TEX36: variants seen among roughly 807,000 people sequenced by gnomAD.
TEX36 encodes testis-expressed protein 36.
TEX36 carries 12 observed loss-of-function variants against 13.6 expected under a neutral mutation model. The ratio of observed to expected loss-of-function variants is 0.88; its 90% CI spans 0.56 to 1.43. The LOEUF is 1.43. TEX36 is among the 40% of genes most tolerant of loss of function. The probability of loss-of-function intolerance (pLI) is 0.00; values close to 1 mark genes in which losing one functional copy is unlikely to be tolerated. For synonymous variants in TEX36, 93 were observed against 83.0 expected (o/e 1.12, Z -0.65); for missense variants, 224 against 228.3 (o/e 0.98, Z 0.12).
chr10:125,630,464 T>A (rs1178991335), intron 3 of TEX36, among the ~76,000 whole-genome samples: 3 of 152,138 alleles, frequency 2.0e-5, no homozygotes, highest in African/African-American at 7.2e-5. Context: ...AGTGGCTGTG[T>A]TGCAAGGATG....
At chr10:125,604,013 C>T (rs1455196806) in intron 3 of TEX36, among the ~76,000 whole-genome samples, 1 of 152,142 alleles carries the variant, frequency 6.6e-6, no homozygotes, top group Non-Finnish European at 1.5e-5. Flanking sequence ...ACCCGAGAAG[C>T]TCAGAAAGTG....
chr10:125,589,871 G>A (rs550590209), intron 3 of TEX36, among the ~76,000 whole-genome samples: 77 of 152,194 alleles, frequency 5.1e-4, no homozygotes, highest in Admixed American at 1.2e-3. Context: ...TTCAGTGTAC[G>A]CTCATCTTCT....
chr10:125,632,798 A>T (rs1056332724), intron 3 of TEX36, among the ~76,000 whole-genome samples: 3 of 152,082 alleles, frequency 2.0e-5, no homozygotes, highest in Admixed American at 6.5e-5. Context: ...AAGCCAGCTC[A>T]TGTCTCTTGA....
chr10:125,670,610 A>G (rs1223886004), intron 1 of TEX36, among the ~76,000 whole-genome samples: 1 of 152,092 alleles, frequency 6.6e-6, no homozygotes. Context: ...CAATTTGTCA[A>G]TTTCTGCTTT....
exon 4 of TEX36, chr10:125,576,598 C>A: frequency 8.9e-7 from 1 of 1,119,412 alleles, no homozygotes; most frequent in East Asian, 2.6e-5. Flanking sequence ...TTCTCCATAG[C>A]TGGAAATTTA....
intron 1 of TEX36, among the ~76,000 whole-genome samples, chr10:125,676,430 T>A (rs1428254139): frequency 6.6e-6 from 1 of 152,230 alleles, no homozygotes; most frequent in African/African-American, 2.4e-5. Flanking sequence ...CAGCTACTGT[T>A]GTGCACTTTT....
intron 3 of TEX36, among the ~76,000 whole-genome samples, chr10:125,606,950 C>T (rs919987609): frequency 1.7e-4 from 26 of 152,202 alleles, no homozygotes; most frequent in Non-Finnish European, 7.3e-5. Flanking sequence ...TGACAACGTA[C>T]ACATAAAGCG....
At chr10:125,601,123 T>G (rs554352443) in intron 3 of TEX36, among the ~76,000 whole-genome samples, 166 of 152,254 alleles carry the variant, frequency 1.1e-3, no homozygotes, top group Non-Finnish European at 2.0e-3. Context: ...CTAAGCATAC[T>G]TTATCTATAA....
chr10:125,605,561 T>C (rs907664833), intron 3 of TEX36, among the ~76,000 whole-genome samples: 6 of 152,206 alleles, frequency 3.9e-5, no homozygotes, highest in African/African-American at 1.4e-4. Flanking sequence ...AAGGAATGAA[T>C]GAAGAAACTT....
intron 3 of TEX36, among the ~76,000 whole-genome samples, chr10:125,603,418 G>A (rs142014679): frequency 6.6e-6 from 1 of 151,230 alleles, no homozygotes; most frequent in African/African-American, 2.4e-5. Flanking sequence ...CATCTGCTCC[G>A]CCCGTTGCCT....
At chr10:125,639,056 TCTAATTTTC>T (rs1235997829) in intron 3 of TEX36, among the ~76,000 whole-genome samples, 5 of 152,280 alleles carry the variant, frequency 3.3e-5, no homozygotes, top group African/African-American at 1.2e-4. Flanking sequence ...TAGTTTGTTT[TCTAATTTTC>T]CTTTAATTAG....
Position 125,656,077 on chromosome 10 carries a change from T to A in TEX36, c.384A>T (p.Ser128=), listed in dbSNP as rs751041069. ...CCACCATGGCTTCTTTATATACGTA[T>A]GATATTTGGTTATTTGAAAAGCCAT... ...CLDGFSNNQI[S]YVYKEAMVVS... The change falls in exon 4 of 4, where the codon TCA becomes TCT. Residue 128 remains serine (S), a synonymous_variant. Coordinates refer to ENST00000368821, the MANE Select transcript of TEX36 (RefSeq NM_001128202.3). The A allele has an allele frequency of 3.2e-6, 5 of 1,551,550 alleles. No homozygotes were observed. In the South Asian group the frequency reaches 5.9e-5, roughly 18 times the overall value.
At chr10:125,650,395 C>G (rs1846834193) in intron 3 of TEX36, among the ~76,000 whole-genome samples, 1 of 152,180 alleles carries the variant, frequency 6.6e-6, no homozygotes, top group Non-Finnish European at 1.5e-5. Flanking sequence ...TCCTGAATGA[C>G]TACTGGGTAC....
At chr10:125,586,145 C>A (rs940721434) in intron 3 of TEX36, among the ~76,000 whole-genome samples, 17 of 152,230 alleles carry the variant, frequency 1.1e-4, no homozygotes, top group Non-Finnish European at 1.5e-5. Context: ...GTCCTATACA[C>A]ATGTAGATAG....
intron 3 of TEX36, among the ~76,000 whole-genome samples, chr10:125,624,164 T>G (rs1338630316): frequency 6.6e-6 from 1 of 152,212 alleles, no homozygotes; most frequent in Non-Finnish European, 1.5e-5. Flanking sequence ...TTAATCTTAG[T>G]GTTTGTGGAA....
intron 3 of TEX36, among the ~76,000 whole-genome samples, chr10:125,607,296 G>T (rs1202863395): frequency 6.6e-6 from 1 of 152,184 alleles, no homozygotes; most frequent in Non-Finnish European, 1.5e-5. Flanking sequence ...TCAAGCAAGT[G>T]CCCCCAGGTT....
intron 3 of TEX36, among the ~76,000 whole-genome samples, chr10:125,641,102 C>T (rs1469788559): frequency 6.6e-6 from 1 of 152,160 alleles, no homozygotes; most frequent in African/African-American, 2.4e-5. Context: ...TTGATTGGAG[C>T]TGCAATTGAC....
chr10:125,592,460 GAAGA>G (rs1232921261), intron 3 of TEX36, among the ~76,000 whole-genome samples: 1 of 152,120 alleles, frequency 6.6e-6, no homozygotes, highest in Middle Eastern at 3.2e-3. Context: ...GATTTCTGTA[GAAGA>G]TAGAGGAGAA....
chr10:125,670,864 T>C (rs1847214740), intron 1 of TEX36, among the ~76,000 whole-genome samples: 2 of 152,240 alleles, frequency 1.3e-5, no homozygotes, highest in African/African-American at 4.8e-5. Flanking sequence ...ATTGCTTGTT[T>C]TTTTCAAGTT....
Sources: allele counts gnomAD v4.1 joint callset (sites outside exome capture counted in the v4.1 genomes callset), GRCh38; gene constraint gnomAD v4.1.1; transcripts MANE v1.5; gene names NCBI Gene and HGNC (gene_info 2026-07-23, HGNC 2026-07-21).